USH2A: variants seen among roughly 807,000 people sequenced by gnomAD.
The protein encoded by USH2A is usherin.
A neutral mutation model predicts 538.9 loss-of-function variants in USH2A; 443 were observed. The ratio of observed to expected loss-of-function variants is 0.82; its 90% confidence interval spans 0.76 to 0.89. USH2A has a LOEUF of 0.89. Ranked by LOEUF, USH2A falls within the 40% of genes least tolerant of loss-of-function variation. The pLI, the probability that USH2A is intolerant of heterozygous loss-of-function variation, is 0.00. For synonymous variants in USH2A, 2,413 were observed against 2,273.5 expected, an observed-to-expected ratio of 1.06 and a Z score of -1.75; for missense variants, 6,633 against 6,324.8, an observed-to-expected ratio of 1.05 and a Z score of -1.65.
At chr1:216,320,269 C>T (rs2037581296) in intron 9 of USH2A, among the ~76,000 whole-genome samples, 1 of 151,998 alleles carries the variant, frequency 6.6e-6, no homozygotes. Flanking sequence ...TCTGGCTTTG[C>T]CTTCTGCCAT....
chr1:216,135,496 A>C (rs2033468542), intron 21 of USH2A, among the ~76,000 whole-genome samples: 1 of 152,104 alleles, frequency 6.6e-6, no homozygotes, highest in Non-Finnish European at 1.5e-5. Context: ...CTCAATTACA[A>C]TAAACTCAGT....
intron 21 of USH2A, among the ~76,000 whole-genome samples, chr1:216,170,565 A>G (rs1404791039): frequency 1.3e-5 from 2 of 152,084 alleles, no homozygotes; most frequent in African/African-American, 4.8e-5. Context: ...TCACCAGTAA[A>G]GGCAGTTTAA....
At position 216,078,302 on chromosome 1, in the gene USH2A, C is replaced by T. The variant is rs1558246687; in HGVS notation, c.5359G>A (p.Val1787Met). 1.9e-6 allele frequency: 3 copies of T among 1,613,606 alleles called. No individual in the cohort carries two copies. In the Admixed American group the frequency reaches 5.0e-5, roughly 27 times the overall value. The change falls in exon 27 of 72, where the codon GTG (valine) becomes ATG (methionine). Residue 1787 changes from valine to methionine, a missense_variant. Transcript: ENST00000307340. Reference protein sequence around the residue: ...RLNTSLAFTQVDLLLGLSYCN... With the variant: ...RLNTSLAFTQMDLLLGLSYCN... Reference sequence around the variant, plus strand: ...TAGGATAGCCCCAGCAATAGATCCACTTGTGTAAAGGCAAGACTGGTATTT... The same window carrying T: ...TAGGATAGCCCCAGCAATAGATCCATTTGTGTAAAGGCAAGACTGGTATTT...
At chr1:216,224,067 A>T (rs1252342612) in intron 14 of USH2A, among the ~76,000 whole-genome samples, 2 of 152,210 alleles carry the variant, frequency 1.3e-5, no homozygotes, top group African/African-American at 4.8e-5. Flanking sequence ...AGTAAATGGG[A>T]CAAATAGTGA....
chr1:216,345,729 AC>A lies in USH2A; in HGVS notation c.785-18076del, dbSNP rs2038162773. Among the ~76,000 whole-genome samples the A allele has an allele frequency of 2.0e-5, 3 of 152,138 alleles. No homozygotes were observed. The South Asian group carries it at 6.2e-4, about 32-fold the overall frequency. On this transcript the variant is annotated intron_variant, in intron 4 of 71. Transcript: ENST00000307340. Reference sequence around the variant, plus strand: ...CCTTAGGATAGAACACAAGCTTAGGACCCCATAAGCCTACTGTTCAAGACGG... The same window carrying A: ...CCTTAGGATAGAACACAAGCTTAGGACCCATAAGCCTACTGTTCAAGACGG...
At chr1:215,740,888 G>C (rs1365362051) in intron 60 of USH2A, among the ~76,000 whole-genome samples, 1 of 152,112 alleles carries the variant, frequency 6.6e-6, no homozygotes, top group Non-Finnish European at 1.5e-5. Context: ...CACATGCGCA[G>C]TTCACAATAG....
rs533806269 is a variant in USH2A, at chr1:215,686,267, T to C, written c.12067-5891A>G. Among the ~76,000 whole-genome samples, 7 of 152,196 alleles carry C rather than the reference T, an allele frequency of 4.6e-5. No homozygotes were observed. In the South Asian group the frequency reaches 1.5e-3, roughly 32 times the overall value. Reference sequence around the variant, plus strand: ...CACACAATTCAGTGTGGCAGTGCTATAATAAGCACCAGAGAAATACTAAGG... The same window carrying C: ...CACACAATTCAGTGTGGCAGTGCTACAATAAGCACCAGAGAAATACTAAGG... On this transcript the variant is annotated intron_variant, in intron 61 of 71. Transcript: ENST00000307340.
chr1:215,845,930 G>A lies in USH2A; in HGVS notation c.8949C>T (p.Val2983=), dbSNP rs1663830803. ...LKILPDVNSH[V]IGHLKPNTEY... ...CTGTGTTTGGCTTTAGGTGGCCAAT[G>A]ACATGAGAGTTTACATCTGGCAAGA... Residue 2983 remains valine, a synonymous_variant, in exon 45 of 72, where the codon GTC becomes GTT. Coordinates refer to ENST00000307340, the MANE Select transcript of USH2A (RefSeq NM_206933.4). 1.2e-6 allele frequency: 2 copies of A among 1,613,812 alleles called. No homozygotes were observed. Among genetic ancestry groups the A allele is most frequent in the African/African-American group, 1.3e-5 (1 of 74,900 alleles).
At chr1:216,228,604 G>A (rs1391447484) in intron 14 of USH2A, among the ~76,000 whole-genome samples, 1 of 152,148 alleles carries the variant, frequency 6.6e-6, no homozygotes, top group African/African-American at 2.4e-5. Flanking sequence ...CTGCCACCAT[G>A]TGAGACGTGT....
intron 56 of USH2A, among the ~76,000 whole-genome samples, chr1:215,761,601 A>G (rs1660983324): frequency 6.6e-6 from 1 of 152,196 alleles, no homozygotes; most frequent in African/African-American, 2.4e-5. Flanking sequence ...TATCTCCTGC[A>G]AAATGTTATG....
chr1:215,928,280 C>T (rs895904830), intron 38 of USH2A, among the ~76,000 whole-genome samples: 1 of 152,046 alleles, frequency 6.6e-6, no homozygotes, highest in East Asian at 1.9e-4. Context: ...TATTGATATA[C>T]ATTTATTGAT....
At chr1:216,272,583 G>A (rs903503896) in intron 11 of USH2A, among the ~76,000 whole-genome samples, 2 of 151,858 alleles carry the variant, frequency 1.3e-5, no homozygotes, top group African/African-American at 2.4e-5. Flanking sequence ...TCACTCTAAT[G>A]TCCTGCCTGC....
intron 47 of USH2A, among the ~76,000 whole-genome samples, chr1:215,835,430 C>A (rs1263893939): frequency 6.6e-6 from 1 of 152,062 alleles, no homozygotes; most frequent in African/African-American, 2.4e-5. Flanking sequence ...AAAAGCCCAC[C>A]ATTCAGGTTG....
At chr1:216,017,407 GTTA>G (rs1668741094) in intron 32 of USH2A, among the ~76,000 whole-genome samples, 2 of 152,170 alleles carry the variant, frequency 1.3e-5, no homozygotes, top group Non-Finnish European at 2.9e-5. Context: ...ACTTTATAGA[GTTA>G]TTATTTGAAC....
intron 61 of USH2A, among the ~76,000 whole-genome samples, chr1:215,724,048 G>A (rs58360840): frequency 0.041 from 6,147 of 151,526 alleles, 381 homozygotes; most frequent in African/African-American, 0.13. Context: ...GTTCATCAAT[G>A]GATGATTGCA....
chr1:215,729,976 C>T (rs1659943605), intron 60 of USH2A, among the ~76,000 whole-genome samples: 1 of 152,152 alleles, frequency 6.6e-6, no homozygotes, highest in African/African-American at 2.4e-5. Flanking sequence ...ATGTCTTCCC[C>T]AAAACCTGGT....
intron 30 of USH2A, among the ~76,000 whole-genome samples, chr1:216,066,345 A>G (rs532076019): frequency 6.6e-6 from 1 of 152,096 alleles, no homozygotes; most frequent in Non-Finnish European, 1.5e-5. Flanking sequence ...GGAGGTCTGT[A>G]GTCCCAGCTA....
intron 4 of USH2A, among the ~76,000 whole-genome samples, chr1:216,340,478 C>A (rs916593696): frequency 6.7e-6 from 1 of 149,782 alleles, no homozygotes; most frequent in African/African-American, 2.5e-5. Flanking sequence ...GAATTCCTCC[C>A]TAACTCATTT....
chr1:215,842,556 C>A (rs1663712372), intron 46 of USH2A, among the ~76,000 whole-genome samples: 1 of 152,108 alleles, frequency 6.6e-6, no homozygotes, highest in Admixed American at 6.6e-5. Context: ...ATGGAATCAA[C>A]CCAAACGTCC....
Sources: gnomAD v4.1 joint callset for allele counts (sites outside exome capture counted in the v4.1 genomes callset) on GRCh38, gnomAD v4.1.1 for gene constraint, MANE v1.5 for transcripts, NCBI Gene and HGNC (gene_info 2026-07-23, HGNC 2026-07-21) for gene names.